The following CEP95 variants were observed in gnomAD, a reference collection of about 807,000 sequenced individuals.
CEP95 encodes the protein centrosomal protein 95.
A neutral mutation model predicts 111.2 loss-of-function variants in CEP95; 98 were observed. The observed-to-expected ratio is 0.88, with a 90% CI of 0.75 to 1.04. The LOEUF is 1.04. Among genes scored for constraint, CEP95 ranks in the 50% least tolerant of loss-of-function variants. The pLI, the probability that CEP95 is intolerant of heterozygous loss-of-function variation, is 0.00. For missense variants in CEP95, 1,027 were observed against 977.2 expected (o/e 1.05, Z -0.68); for synonymous variants, 323 against 327.1 (o/e 0.99, Z 0.14).
Position 64,532,950 on chromosome 17 carries a change from A to AATTC in CEP95, c.1785_1786insTTCA (p.Gln596PhefsTer4), listed in dbSNP as rs782069738. The stretch of plus-strand genomic sequence containing the variant: ...TGGAAACAGCAAATTGCACAGGTTG[A>AATTC]ACAGCTTAAGAAAGAAGCATGTAGA... On this transcript the variant is annotated frameshift_variant, in exon 15 of 20. Transcript: ENST00000556440. LOFTEE classifies it high-confidence loss of function. The AATTC allele has an allele frequency of 1.2e-5, 19 of 1,613,838 alleles. No individual in the cohort carries two copies. Among genetic ancestry groups the AATTC allele is most frequent in the Non-Finnish European group, 1.6e-5 (19 of 1,179,870 alleles).
At chr17:64,513,494 G>A (rs1266051912) in intron 3 of CEP95, among the ~76,000 whole-genome samples, 2 of 152,158 alleles carry the variant, frequency 1.3e-5, no homozygotes, top group East Asian at 1.9e-4. Flanking sequence ...CTGTTACGGA[G>A]TAGGTACTGT....
At position 64,526,168 on chromosome 17, in the gene CEP95, A is replaced by G. The variant is rs377568385; in HGVS notation, c.1120A>G (p.Lys374Glu). 3.3e-5 allele frequency: 54 copies of G among 1,613,106 alleles called. No homozygotes were observed. Among genetic ancestry groups the G allele is most frequent in the Non-Finnish European group, 3.9e-5 (46 of 1,179,704 alleles). ...TEQELHDVSE[K>E]LSQRLSELDW... ...ACAAGAATTACATGATGTATCAGAA[A>G]AACTCTCTCAGCGGCTTTCTGAACT... Residue 374 changes from lysine (K) to glutamate (E), a missense_variant, in exon 10 of 20, where the codon AAA (lysine) becomes GAA (glutamate). Lys to Glu is a moderately conservative substitution (Grantham distance 56, BLOSUM62 1). Coordinates refer to ENST00000556440, the MANE Select transcript of CEP95 (RefSeq NM_138363.3).
rs1968713332 is a variant in CEP95, at chr17:64,537,129, A to C, written c.2289+17A>C. The C allele has an allele frequency of 6.2e-7, 1 of 1,608,168 alleles. No individual in the cohort carries two copies. Among genetic ancestry groups the C allele is most frequent in the African/African-American group, 1.3e-5 (1 of 74,762 alleles). On this transcript the variant is annotated intron_variant, in intron 19 of 19. Transcript: ENST00000556440. ...CAGGCCCAGGTAATAATTAAGATAG[A>C]AGCCAAGTCATGCACTGCATGGCAA...
chr17:64,537,684 G>A lies in CEP95; in HGVS notation c.2371G>A (p.Asp791Asn), dbSNP rs782011259. 1.9e-6 allele frequency: 3 copies of A among 1,613,230 alleles called. No individual in the cohort carries two copies. The highest frequency in any genetic ancestry group is 2.2e-5 in the South Asian group (2 of 90,908). Residue 791 changes from aspartate (D) to asparagine (N), a missense_variant, in exon 20 of 20, where the codon GAT becomes AAT. Asp to Asn is a conservative substitution (Grantham distance 23). Coordinates refer to ENST00000556440, the MANE Select transcript of CEP95 (RefSeq NM_138363.3). ...QQLQDMITQN[D>N]DDVFFRELEA... ...GCTGCAGGACATGATAACACAGAAT[G>A]ATGATGATGTTTTCTTCCGGGAACT...
intron 6 of CEP95, among the ~76,000 whole-genome samples, chr17:64,520,112 A>G (rs1026219550): frequency 6.6e-6 from 1 of 152,222 alleles, no homozygotes; most frequent in African/African-American, 2.4e-5. Context: ...TGTGGATACT[A>G]CAAAAATGTT....
chr17:64,522,961 G>C, intron 8 of CEP95, 66 bp downstream of exon 8: 1 of 1,283,058 alleles, frequency 7.8e-7, no homozygotes, highest in Non-Finnish European at 1.1e-6. Context: ...TGTGTGTGTT[G>C]GTAATTGATT....
At chr17:64,527,502 C>T (rs558244025) in intron 11 of CEP95, among the ~76,000 whole-genome samples, 25 of 152,268 alleles carry the variant, frequency 1.6e-4, no homozygotes, top group Admixed American at 3.3e-4. Flanking sequence ...TCTGCTCTCC[C>T]CACAGATCTC....
intron 7 of CEP95, among the ~76,000 whole-genome samples, 172 bp downstream of exon 7, chr17:64,521,699 G>T (rs150026940): frequency 1.2e-3 from 187 of 151,054 alleles, no homozygotes; most frequent in African/African-American, 4.4e-3. Flanking sequence ...TGCTTAACAT[G>T]GTCTTTGGTT....
intron 8 of CEP95, 145 bp from the exon 9 acceptor site, chr17:64,525,625 T>C: frequency 1.8e-6 from 1 of 552,560 alleles, no homozygotes; most frequent in Middle Eastern, 5.0e-4. Flanking sequence ...TGGGTGTCAA[T>C]AGGGTCTTTT....
At chr17:64,517,337 G>A (rs1212201394) in intron 5 of CEP95, among the ~76,000 whole-genome samples, 14 of 151,982 alleles carry the variant, frequency 9.2e-5, no homozygotes, top group African/African-American at 1.4e-4. Context: ...ATGAGCCACC[G>A]CGCCTGGTCC....
At position 64,516,806 on chromosome 17, in the gene CEP95, T is replaced by C; in HGVS notation, c.451T>C (p.Trp151Arg). ...PESTKESKSS[W>R]KRVSFGRCSL... Reference sequence around the variant, plus strand: ...AAGTACTAAAGAATCTAAATCATCATGGAAAAGAGTTTCTTTTGGGAGGTA... The same window carrying C: ...AAGTACTAAAGAATCTAAATCATCACGGAAAAGAGTTTCTTTTGGGAGGTA... The change falls in exon 5 of 20, where the codon TGG becomes CGG. Residue 151 changes from tryptophan to arginine, a missense_variant. By Grantham distance (101) the Trp-to-Arg change is moderately radical. Coordinates refer to ENST00000556440, the MANE Select transcript of CEP95 (RefSeq NM_138363.3). 1.9e-6 allele frequency: 3 copies of C among 1,606,188 alleles called. No homozygotes were observed. The highest frequency in any genetic ancestry group is 1.7e-4 in the Middle Eastern group (1 of 6,048).
chr17:64,534,226 G>T, intron 16 of CEP95: 1 of 210,678 alleles, frequency 4.7e-6, no homozygotes. Flanking sequence ...TTGCCTAAAT[G>T]CTCCTGGCAG....
intron 13 of CEP95, 193 bp downstream of exon 13, chr17:64,531,211 A>G (rs1968254876): frequency 2.5e-6 from 1 of 396,608 alleles, no homozygotes; most frequent in Non-Finnish European, 4.5e-6. Context: ...ATGACGAGAC[A>G]TGGTTCCAAA....
rs1555680799 is a variant in CEP95, at chr17:64,533,178, A to G, written c.1904A>G (p.His635Arg). The G allele has an allele frequency of 6.3e-7, 1 of 1,586,082 alleles. No individual in the cohort carries two copies. The highest frequency in any genetic ancestry group is 1.4e-5 in the African/African-American group (1 of 72,770). ...ACCCTTGTCAAGAAAGAATATGAACATAACAAGAGACTGGTATGTCAAGAG... is the reference window on the plus strand; with the variant it reads ...ACCCTTGTCAAGAAAGAATATGAACGTAACAAGAGACTGGTATGTCAAGAG... ...LTTLVKKEYE[H>R]NKRLQDFKDC... Residue 635 changes from histidine to arginine, a missense_variant, in exon 16 of 20, where the codon CAT becomes CGT. Transcript: ENST00000556440.
At position 64,523,529 on chromosome 17, in the gene CEP95, T is replaced by C. The variant is rs532460157; in HGVS notation, c.909+634T>C. Among the ~76,000 whole-genome samples the C allele has an allele frequency of 5.3e-5, 8 of 151,882 alleles. 1 individual carries two copies. The South Asian group carries it at 1.7e-3, about 32-fold the overall frequency. ...TTGCAGTGAGCCAAGATCACGCCAC[T>C]GCGCTCCAGCCTGGGTGACAGAGTA... On this transcript the variant is annotated intron_variant, in intron 8 of 19. Transcript: ENST00000556440.
Position 64,537,802 on chromosome 17 carries a change from T to TG in CEP95, c.*24dup. On this transcript the variant is annotated 3_prime_UTR_variant, in exon 20 of 20. Transcript: ENST00000556440. ...TGAGGCCAGACTTGATAATAGTAGGTGAAGGTTCTGGAGGCCTTTACCAGG... is the reference window on the plus strand; with the variant it reads ...TGAGGCCAGACTTGATAATAGTAGGTGGAAGGTTCTGGAGGCCTTTACCAGG... The TG allele has an allele frequency of 2.0e-6, 3 of 1,503,106 alleles. No homozygotes were observed. Among genetic ancestry groups the TG allele is most frequent in the Non-Finnish European group, 2.7e-6 (3 of 1,112,854 alleles). 93.1% of individuals were successfully genotyped at this position (1,503,106 alleles called of 1,614,324 possible). A position where few individuals can be genotyped will look rare whatever the true frequency, so the allele number is the denominator to read the frequency against.
chr17:64,521,491 G>A lies in CEP95; in HGVS notation c.679G>A (p.Val227Ile). Reference sequence around the variant, plus strand: ...TGAAGATATGTTGTACCCTCCTAGTGTTTTGTCCAAGAGTAGGACATCCTT... The same window carrying A: ...TGAAGATATGTTGTACCCTCCTAGTATTTTGTCCAAGAGTAGGACATCCTT... Reference protein sequence around the residue: ...SHEDMLYPPSVLSKSRTSFVE... With the variant: ...SHEDMLYPPSILSKSRTSFVE... The change falls in exon 7 of 20, where the codon GTT becomes ATT. Residue 227 changes from valine (V) to isoleucine (I), a missense_variant. Val to Ile is a conservative substitution (Grantham distance 29). Transcript: ENST00000556440. The A allele has an allele frequency of 6.2e-7, 1 of 1,612,610 alleles. No homozygotes were observed. The highest frequency in any genetic ancestry group is 1.1e-5 in the South Asian group (1 of 90,908).
intron 3 of CEP95, among the ~76,000 whole-genome samples, chr17:64,512,157 A>G (rs2038931059): frequency 6.6e-6 from 1 of 152,222 alleles, no homozygotes; most frequent in Admixed American, 6.5e-5. Context: ...AAAATGTAGT[A>G]CAATTATAAT....
chr17:64,529,437 C>T lies in CEP95; in HGVS notation c.1446+10C>T, dbSNP rs782488818. The T allele has an allele frequency of 1.2e-6, 2 of 1,612,756 alleles. No homozygotes were observed. The highest frequency in any genetic ancestry group is 2.2e-5 in the East Asian group (1 of 44,868). On this transcript the variant is annotated intron_variant, in intron 12 of 19. Transcript: ENST00000556440. Reference sequence around the variant, plus strand: ...CCAATTCCAAGCACAGGTTCTTCCCCATCTCTTGACTACCATTAAGCAGCA... The same window carrying T: ...CCAATTCCAAGCACAGGTTCTTCCCTATCTCTTGACTACCATTAAGCAGCA...
Sources: gnomAD v4.1 joint callset for allele counts (sites outside exome capture counted in the v4.1 genomes callset) on GRCh38, gnomAD v4.1.1 for gene constraint, MANE v1.5 for transcripts, NCBI Gene and HGNC (gene_info 2026-07-23, HGNC 2026-07-21) for gene names.